Variants in ZFR observed in about 807,000 individuals in gnomAD.
ZFR encodes zinc finger RNA-binding protein.
Under a neutral mutation model 130.7 loss-of-function variants are expected in ZFR, and 19 were observed. The ratio of observed to expected loss-of-function variants is 0.15; its 90% CI spans 0.10 to 0.21. The LOEUF (loss-of-function observed/expected upper bound fraction) is 0.21. ZFR is among the 10% of genes least tolerant of loss of function. The pLI, the probability that ZFR is intolerant of heterozygous loss-of-function variation, is 1.00. For missense variants in ZFR, 872 were observed against 1,321.5 expected, an observed-to-expected ratio of 0.66 and a Z score of 5.27; for synonymous variants, 466 against 456.9, an observed-to-expected ratio of 1.02 and a Z score of -0.25.
At chr5:32,441,768 T>G (rs531116419) in intron 2 of ZFR, among the ~76,000 whole-genome samples, 32 of 152,352 alleles carry the variant, frequency 2.1e-4, no homozygotes, top group African/African-American at 7.7e-4. Flanking sequence ...TGGGCCTGAT[T>G]TCTTGCCATT....
At chr5:32,407,929 TCTG>T (rs1561900044) in intron 5 of ZFR, among the ~76,000 whole-genome samples, 3 of 152,146 alleles carry the variant, frequency 2.0e-5, no homozygotes, top group African/African-American at 7.2e-5. Flanking sequence ...CAGCCTTGTA[TCTG>T]TTTTCCTACA....
At chr5:32,393,034 TAC>T (rs1753217417) in intron 11 of ZFR, among the ~76,000 whole-genome samples, 5 of 152,192 alleles carry the variant, frequency 3.3e-5, no homozygotes, top group African/African-American at 9.7e-5. Context: ...TAAAGACACT[TAC>T]TTGCTCTTTC....
intron 5 of ZFR, 148 bp from the exon 6 acceptor site, chr5:32,407,169 A>T (rs1753596517): frequency 1.4e-6 from 1 of 716,322 alleles, no homozygotes; most frequent in Non-Finnish European, 2.1e-6. Context: ...AACCAGAAAA[A>T]AGCTTATTTT....
At chr5:32,355,989 G>C in intron 19 of ZFR, 50 bp from the exon 20 acceptor site, 2 of 1,469,068 alleles carry the variant, frequency 1.4e-6, no homozygotes, top group Non-Finnish European at 1.8e-6. Context: ...ACCCCAAGTA[G>C]TAATACTTAC....
intron 12 of ZFR, 59 bp from the exon 13 acceptor site, chr5:32,388,733 T>C (rs1233524541): frequency 7.1e-7 from 1 of 1,414,988 alleles, no homozygotes; most frequent in Non-Finnish European, 9.7e-7. Context: ...AAGCAAATTA[T>C]ATTTTTCAAC....
chr5:32,434,842 A>T (rs1242197778), intron 2 of ZFR, among the ~76,000 whole-genome samples: 2 of 152,224 alleles, frequency 1.3e-5, no homozygotes, highest in African/African-American at 2.4e-5. Context: ...CTCAAAAAAG[A>T]AACTCACTAT....
At chr5:32,434,012 G>C (rs927235063) in intron 2 of ZFR, among the ~76,000 whole-genome samples, 2 of 152,244 alleles carry the variant, frequency 1.3e-5, no homozygotes, top group Non-Finnish European at 2.9e-5. Context: ...GAGGTTTGCA[G>C]TGAGCCAAGA....
intron 17 of ZFR, among the ~76,000 whole-genome samples, chr5:32,378,908 CA>C (rs1413399257): frequency 6.7e-6 from 1 of 149,256 alleles, no homozygotes; most frequent in African/African-American, 2.5e-5. Context: ...AAAAAACACA[CA>C]AAGAGAAACA....
At chr5:32,388,749 A>G (rs1753095514) in intron 12 of ZFR, 75 bp from the exon 13 acceptor site, 2 of 1,272,496 alleles carry the variant, frequency 1.6e-6, no homozygotes, top group Admixed American at 2.5e-5. Context: ...TCAACTATAC[A>G]TATTTGTTGT....
intron 6 of ZFR, among the ~76,000 whole-genome samples, chr5:32,404,752 T>C (rs992361172): frequency 1.3e-5 from 2 of 152,234 alleles, no homozygotes; most frequent in African/African-American, 4.8e-5. Flanking sequence ...AGGAAGGCTG[T>C]TAATTAATAC....
At chr5:32,426,666 C>G (rs920568055) in intron 2 of ZFR, among the ~76,000 whole-genome samples, 1 of 152,168 alleles carries the variant, frequency 6.6e-6, no homozygotes, top group African/African-American at 2.4e-5. Flanking sequence ...CTTTGGGAGG[C>G]CAAGGCAGGT....
At chr5:32,424,075 A>G (rs1042935818) in intron 2 of ZFR, among the ~76,000 whole-genome samples, 2 of 152,238 alleles carry the variant, frequency 1.3e-5, no homozygotes, top group African/African-American at 4.8e-5. Flanking sequence ...CAAACAGATG[A>G]AAGCCTAGGT....
At chr5:32,430,076 T>C (rs1163756147) in intron 2 of ZFR, among the ~76,000 whole-genome samples, 1 of 58,428 alleles carries the variant, frequency 1.7e-5, no homozygotes, top group Non-Finnish European at 3.8e-5. Context: ...TGAGACCCTA[T>C]TTCAAAAAAA....
chr5:32,442,123 A>G (rs1754488421), intron 2 of ZFR, among the ~76,000 whole-genome samples: 1 of 152,252 alleles, frequency 6.6e-6, no homozygotes, highest in South Asian at 2.1e-4. Context: ...GAAGTGCCAC[A>G]AAGAACCCAC....
intron 2 of ZFR, among the ~76,000 whole-genome samples, chr5:32,422,999 A>T (rs1581710948): frequency 1.3e-5 from 2 of 151,970 alleles, no homozygotes; most frequent in East Asian, 3.9e-4. Context: ...TGAGCCAGGG[A>T]CTCACTACAA....
chr5:32,367,519 C>T (rs957015173), intron 17 of ZFR, among the ~76,000 whole-genome samples: 1 of 152,088 alleles, frequency 6.6e-6, no homozygotes, highest in Non-Finnish European at 1.5e-5. Flanking sequence ...CTCCCAGGCT[C>T]AAGTGATTGA....
intron 19 of ZFR, among the ~76,000 whole-genome samples, chr5:32,361,659 C>A (rs1036231066): frequency 6.9e-5 from 10 of 144,916 alleles, no homozygotes; most frequent in African/African-American, 2.6e-4. Flanking sequence ...CACTCTGTTG[C>A]CCAGGCTAGA....
chr5:32,427,482 A>G (rs450816), intron 2 of ZFR, among the ~76,000 whole-genome samples: 63,229 of 151,856 alleles, frequency 0.42, 13,318 homozygotes, highest in East Asian at 0.56. Flanking sequence ...ACACTGCTGA[A>G]AGATTTAAAG....
chr5:32,395,078 T>C, intron 11 of ZFR, 81 bp downstream of exon 11: 1 of 1,450,020 alleles, frequency 6.9e-7, no homozygotes, highest in Non-Finnish European at 9.1e-7. Flanking sequence ...TTGCTTTGAA[T>C]GGGAGTCACA....
Sources: allele counts gnomAD v4.1 joint callset (sites outside exome capture counted in the v4.1 genomes callset), GRCh38; gene constraint gnomAD v4.1.1; transcripts MANE v1.5; gene names NCBI Gene and HGNC (gene_info 2026-07-23, HGNC 2026-07-21).